MAST2: variants seen among roughly 807,000 people sequenced by gnomAD.
MAST2 encodes microtubule associated serine/threonine kinase 2.
MAST2 carries 70 observed loss-of-function variants against 147.4 expected under a neutral mutation model. That is an observed-to-expected ratio of 0.47 (90% CI 0.39 to 0.58). The LOEUF (loss-of-function observed/expected upper bound fraction) is 0.58, where lower values mean the gene tolerates loss of function less well. Ranked by LOEUF, MAST2 falls within the 20% of genes least tolerant of loss-of-function variation. The pLI, the probability that MAST2 is intolerant of heterozygous loss-of-function variation, is 0.00. For synonymous variants in MAST2, 869 were observed against 896.8 expected (o/e 0.97, Z 0.55); for missense variants, 2,080 against 2,302.3 (o/e 0.90, Z 1.98).
At position 46,035,135 on chromosome 1, in the gene MAST2, G is replaced by A. The variant is rs775444492; in HGVS notation, c.4466G>A (p.Arg1489Gln). ...CTCCGGCAGGACCGAGCCGAACGAC[G>A]GGAGTCGCTGCAGAAGCAAGAAGCC... Reference protein sequence around the residue: ...GTLRQDRAERRESLQKQEAIR... With the variant: ...GTLRQDRAERQESLQKQEAIR... Residue 1489 changes from arginine to glutamine, a missense_variant, in exon 29 of 29, where the codon CGG becomes CAG. Coordinates refer to ENST00000361297, the MANE Select transcript of MAST2 (RefSeq NM_015112.3). The surrounding 1 kb of genome is among the most constrained non-coding windows in gnomAD (Gnocchi z 5.5). 5.8e-5 allele frequency: 93 copies of A among 1,613,592 alleles called. No homozygotes were observed. The highest frequency in any genetic ancestry group is 7.6e-5 in the Non-Finnish European group (90 of 1,179,986).
chr1:45,822,833 T>C (rs1433081301), intron 1 of MAST2, among the ~76,000 whole-genome samples: 1 of 152,210 alleles, frequency 6.6e-6, no homozygotes, highest in Non-Finnish European at 1.5e-5. Flanking sequence ...GATCCATAGG[T>C]ACTGTTTCAT....
chr1:45,846,594 G>C (rs1035679969), intron 3 of MAST2, among the ~76,000 whole-genome samples: 2 of 152,068 alleles, frequency 1.3e-5, no homozygotes, highest in African/African-American at 2.4e-5. Flanking sequence ...GTCCGAGGCA[G>C]GTGAATCACG....
At position 46,029,429 on chromosome 1, in the gene MAST2, C is replaced by T. The variant is rs1037569043; in HGVS notation, c.2219-37C>T. ...CTTCTGCATCTCTCCACTCTACCCA[C>T]AATTTCTCCTTTCCCTCTCACCCCT... On this transcript the variant is annotated intron_variant, in intron 18 of 28. Coordinates refer to ENST00000361297, the MANE Select transcript of MAST2 (RefSeq NM_015112.3). 6 of 1,556,988 alleles carry T rather than the reference C, an allele frequency of 3.9e-6. No individual in the cohort carries two copies. The African/African-American group carries it at 8.2e-5, about 21-fold the overall frequency.
At chr1:45,956,704 T>G (rs1014587692) in intron 4 of MAST2, among the ~76,000 whole-genome samples, 3 of 152,230 alleles carry the variant, frequency 2.0e-5, no homozygotes, top group Admixed American at 1.3e-4. Flanking sequence ...AAATCAAGTG[T>G]CACTATAGCC....
intron 4 of MAST2, among the ~76,000 whole-genome samples, chr1:45,948,066 A>G (rs1396802726): frequency 6.6e-6 from 1 of 152,186 alleles, no homozygotes; most frequent in Admixed American, 6.5e-5. Flanking sequence ...TCAGGATACA[A>G]AATCAATCAC....
At chr1:45,893,647 TC>T (rs1386609504) in intron 4 of MAST2, among the ~76,000 whole-genome samples, 3 of 151,564 alleles carry the variant, frequency 2.0e-5, no homozygotes, top group Non-Finnish European at 4.4e-5. Context: ...TTTCCTAAAA[TC>T]TGGCAGAGTT....
rs563162729 is a variant in MAST2 at position 45,889,232 on chromosome 1, T to C, written c.500+6837T>C. Among the ~76,000 whole-genome samples, 7 of 152,182 alleles carry C rather than the reference T, an allele frequency of 4.6e-5. No individual in the cohort carries two copies. In the South Asian group the frequency reaches 1.2e-3, roughly 27 times the overall value. On this transcript the variant is annotated intron_variant, in intron 4 of 28. Coordinates refer to ENST00000361297, the MANE Select transcript of MAST2 (RefSeq NM_015112.3). ...ACAGAATCTCACTTTGTCACCCAGGTTGGAGTACAGTGGTGCGATCACGGC... is the reference window on the plus strand; with the variant it reads ...ACAGAATCTCACTTTGTCACCCAGGCTGGAGTACAGTGGTGCGATCACGGC...
intron 5 of MAST2, among the ~76,000 whole-genome samples, chr1:45,993,180 TAAG>T (rs972815294): frequency 2.2e-4 from 34 of 152,234 alleles, no homozygotes; most frequent in African/African-American, 7.9e-4. Flanking sequence ...ATTTAAATAA[TAAG>T]AAAATGTCAT....
chr1:46,024,157 A>T, intron 15 of MAST2, 177 bp downstream of exon 15: 1 of 626,182 alleles, frequency 1.6e-6, no homozygotes. Context: ...GTGGGCACAA[A>T]GCTCCCTGCC....
chr1:45,956,841 T>A (rs891861288), intron 4 of MAST2, among the ~76,000 whole-genome samples: 3 of 152,200 alleles, frequency 2.0e-5, no homozygotes, highest in Admixed American at 1.3e-4. Context: ...CAGTGCCTAG[T>A]TGAGCACAGT....
intron 4 of MAST2, among the ~76,000 whole-genome samples, chr1:45,932,843 T>C (rs1315990752): frequency 6.6e-6 from 1 of 152,130 alleles, no homozygotes; most frequent in African/African-American, 2.4e-5. Context: ...CTGTCATTCT[T>C]TGAGAACTAC....
chr1:45,911,400 C>G (rs2148573926), intron 4 of MAST2, among the ~76,000 whole-genome samples: 1 of 152,332 alleles, frequency 6.6e-6, no homozygotes, highest in South Asian at 2.1e-4. Context: ...CGTGTTCTCT[C>G]TCCTCCACCC....
chr1:45,848,906 CA>C (rs1223840182), intron 3 of MAST2, among the ~76,000 whole-genome samples: 1 of 152,008 alleles, frequency 6.6e-6, no homozygotes, highest in Admixed American at 6.5e-5. Flanking sequence ...AATTAACATA[CA>C]AAAAACCACT....
chr1:45,918,650 C>T (rs1415571150), intron 4 of MAST2, among the ~76,000 whole-genome samples: 1 of 152,094 alleles, frequency 6.6e-6, no homozygotes, highest in Non-Finnish European at 1.5e-5. Context: ...ATTGACCAGG[C>T]TGATCTCAGA....
At chr1:45,805,314 G>A (rs977729191) in intron 1 of MAST2, among the ~76,000 whole-genome samples, 3 of 152,196 alleles carry the variant, frequency 2.0e-5, no homozygotes, top group Admixed American at 6.5e-5. Flanking sequence ...ATGAGCCAGT[G>A]TGCCCGGCCC....
At position 45,803,645 on chromosome 1, in the gene MAST2, T is replaced by C. The variant is rs1004206376; in HGVS notation, c.-251T>C. 3 of 272,178 alleles carry C rather than the reference T, an allele frequency of 1.1e-5. No homozygotes were observed. The highest frequency in any genetic ancestry group is 2.0e-5 in the Non-Finnish European group (3 of 146,890). 16.9% of individuals were successfully genotyped at this position (272,178 alleles called of 1,614,324 possible). ...GCGGCTGAGCCGGCGGCGGGTGGCC[T>C]GCCCAACGTGTGCTGGGTGGGAGAA... On this transcript the variant is annotated 5_prime_UTR_variant, in exon 1 of 29. Transcript: ENST00000361297.
intron 4 of MAST2, among the ~76,000 whole-genome samples, chr1:45,884,459 G>A (rs1039076353): frequency 1.3e-5 from 2 of 152,174 alleles, no homozygotes; most frequent in African/African-American, 4.8e-5. Flanking sequence ...GGCTGAGACA[G>A]GAGAATTGCT....
chr1:45,909,212 A>G (rs1651268271), intron 4 of MAST2, among the ~76,000 whole-genome samples: 2 of 152,188 alleles, frequency 1.3e-5, no homozygotes, highest in Admixed American at 6.5e-5. Flanking sequence ...GTTATAATCT[A>G]TAGAACTGAA....
In MAST2 at chr1:45,886,664, A is replaced by G. The variant is rs2148349487; in HGVS notation, c.500+4269A>G. 2.0e-5 allele frequency among the ~76,000 whole-genome samples: 3 copies of G among 152,300 alleles called. No individual in the cohort carries two copies. In the South Asian group the frequency reaches 6.2e-4, roughly 32 times the overall value. On this transcript the variant is annotated intron_variant, in intron 4 of 28. Coordinates refer to ENST00000361297, the MANE Select transcript of MAST2 (RefSeq NM_015112.3). ...CAATATCTGTGAAAAGAAGATTTTG[A>G]AGTTCTAAAGTTACTTGTATCTGTT...
Sources: allele counts gnomAD v4.1 joint callset (sites outside exome capture counted in the v4.1 genomes callset), GRCh38; gene constraint gnomAD v4.1.1; non-coding constraint Gnocchi (gnomAD v3.1); transcripts MANE v1.5; gene names NCBI Gene and HGNC (gene_info 2026-07-23, HGNC 2026-07-21).